The following TTLL5 variants were observed in gnomAD, a reference collection of about 807,000 sequenced individuals.
The protein encoded by TTLL5 is tubulin tyrosine ligase like 5.
A neutral mutation model predicts 168.4 loss-of-function variants in TTLL5; 132 were observed. That is an observed-to-expected ratio of 0.78 (90% CI 0.68 to 0.91). TTLL5 has a LOEUF of 0.91. TTLL5 is among the 40% of genes least tolerant of loss of function. The probability of loss-of-function intolerance (pLI) is 0.00; values close to 1 mark genes in which losing one functional copy is unlikely to be tolerated. For synonymous variants in TTLL5, 546 were observed against 558.6 expected, an observed-to-expected ratio of 0.98 and a Z score of 0.32; for missense variants, 1,545 against 1,581.5, an observed-to-expected ratio of 0.98 and a Z score of 0.39.
chr14:75,862,324 A>G (rs142590498), intron 28 of TTLL5, among the ~76,000 whole-genome samples: 1 of 152,266 alleles, frequency 6.6e-6, no homozygotes, highest in African/African-American at 2.4e-5. Context: ...TTTGATTTCA[A>G]TTCTTTTCTG....
chr14:75,887,645 A>G (rs1486526164), intron 30 of TTLL5, among the ~76,000 whole-genome samples: 1 of 152,182 alleles, frequency 6.6e-6, no homozygotes. Context: ...TGGAACTTAT[A>G]TGACCCGCTG....
intron 30 of TTLL5, among the ~76,000 whole-genome samples, chr14:75,889,402 A>G (rs1384159941): frequency 1.3e-5 from 2 of 152,268 alleles, no homozygotes; most frequent in African/African-American, 2.4e-5. Context: ...TTAAATCAAT[A>G]GATACATAAC....
chr14:75,686,353 A>T (rs541798714), intron 5 of TTLL5, among the ~76,000 whole-genome samples: 1 of 152,082 alleles, frequency 6.6e-6, no homozygotes, highest in African/African-American at 2.4e-5. Flanking sequence ...CCATCTCTCA[A>T]TGATGTAGTT....
chr14:75,902,679 C>T lies in TTLL5; in HGVS notation c.3823+455C>T, dbSNP rs190633196. ...AGCTGGAGCTCTGGTCTTTGATCTACGTGTTGTGCTAATGCCATGGTCTGT... is the reference window on the plus strand; with the variant it reads ...AGCTGGAGCTCTGGTCTTTGATCTATGTGTTGTGCTAATGCCATGGTCTGT... On this transcript the variant is annotated intron_variant, in intron 31 of 31. Transcript: ENST00000298832. The T allele has an allele frequency of 5.5e-5, 25 of 454,070 alleles. No individual in the cohort carries two copies. In the East Asian group the frequency reaches 1.0e-3, roughly 19 times the overall value. 28.1% of individuals were successfully genotyped at this position (454,070 alleles called of 1,614,324 possible).
intron 7 of TTLL5, among the ~76,000 whole-genome samples, chr14:75,702,478 C>A (rs528383883): frequency 6.6e-6 from 1 of 152,164 alleles, no homozygotes; most frequent in Non-Finnish European, 1.5e-5. Flanking sequence ...AGATATGAGT[C>A]AAAAAGAATA....
intron 5 of TTLL5, among the ~76,000 whole-genome samples, chr14:75,689,160 A>G (rs1885276260): frequency 6.6e-6 from 1 of 152,198 alleles, no homozygotes; most frequent in Non-Finnish European, 1.5e-5. Context: ...CTTATGAAAA[A>G]GTTCATGTGG....
At chr14:75,730,317 T>A (rs1888451167) in intron 12 of TTLL5, among the ~76,000 whole-genome samples, 1 of 152,224 alleles carries the variant, frequency 6.6e-6, no homozygotes. Context: ...GATCAGCTAT[T>A]GAGAAGAATG....
intron 31 of TTLL5, among the ~76,000 whole-genome samples, chr14:75,944,638 G>T (rs914821171): frequency 2.0e-5 from 3 of 152,320 alleles, no homozygotes; most frequent in African/African-American, 7.2e-5. Flanking sequence ...GGGCAAGAGA[G>T]GGCTCCTGCC....
At chr14:75,862,180 T>A (rs1366732810) in intron 28 of TTLL5, among the ~76,000 whole-genome samples, 1 of 152,264 alleles carries the variant, frequency 6.6e-6, no homozygotes, top group Non-Finnish European at 1.5e-5. Context: ...CTGCAGCATA[T>A]GTCAGAATTT....
chr14:75,759,313 G>C (rs1185970782), intron 18 of TTLL5, among the ~76,000 whole-genome samples: 1 of 152,068 alleles, frequency 6.6e-6, no homozygotes, highest in Non-Finnish European at 1.5e-5. Flanking sequence ...AAAGTTGGGG[G>C]CAACACCCAA....
chr14:75,809,795 A>T (rs1399988654), intron 27 of TTLL5, among the ~76,000 whole-genome samples: 1 of 152,138 alleles, frequency 6.6e-6, no homozygotes, highest in East Asian at 1.9e-4. Context: ...TTTAGTTCCC[A>T]GATATGAGTG....
chr14:75,916,041 G>A (rs1329652546), intron 31 of TTLL5, among the ~76,000 whole-genome samples: 1 of 152,082 alleles, frequency 6.6e-6, no homozygotes, highest in Non-Finnish European at 1.5e-5. Context: ...AGGCAGGATT[G>A]CTTAAGCCCA....
chr14:75,749,686 C>G (rs542373798), intron 17 of TTLL5, among the ~76,000 whole-genome samples: 2 of 152,104 alleles, frequency 1.3e-5, no homozygotes, highest in Non-Finnish European at 2.9e-5. Context: ...GTAAGTTACT[C>G]TAACTCTCTT....
chr14:75,847,321 A>G (rs565370448), intron 28 of TTLL5, among the ~76,000 whole-genome samples: 1 of 151,816 alleles, frequency 6.6e-6, no homozygotes, highest in Non-Finnish European at 1.5e-5. Flanking sequence ...TTTTTTTATC[A>G]CATTAATACC....
chr14:75,686,851 A>G (rs1481372545), intron 5 of TTLL5, among the ~76,000 whole-genome samples: 1 of 152,164 alleles, frequency 6.6e-6, no homozygotes, highest in Non-Finnish European at 1.5e-5. Context: ...AGTAATCCAG[A>G]TGATTTTATG....
intron 31 of TTLL5, among the ~76,000 whole-genome samples, chr14:75,932,150 C>T (rs147870461): frequency 1.3e-5 from 2 of 152,308 alleles, no homozygotes; most frequent in South Asian, 2.1e-4. Context: ...TTAACAACTA[C>T]TTCTGTACTT....
intron 29 of TTLL5, among the ~76,000 whole-genome samples, chr14:75,876,673 A>G (rs1050707870): frequency 1.3e-5 from 2 of 152,266 alleles, no homozygotes; most frequent in South Asian, 2.1e-4. Flanking sequence ...TAGCAGCACC[A>G]GAAAAGTTGT....
chr14:75,860,854 A>G (rs1338458657), intron 28 of TTLL5, among the ~76,000 whole-genome samples: 1 of 151,930 alleles, frequency 6.6e-6, no homozygotes. Flanking sequence ...GAAAAGAGAT[A>G]ATAGGTTCCT....
At chr14:75,715,166 G>T (rs1887344833) in intron 9 of TTLL5, among the ~76,000 whole-genome samples, 1 of 151,736 alleles carries the variant, frequency 6.6e-6, no homozygotes, top group Non-Finnish European at 1.5e-5. Flanking sequence ...CCATTCAGAT[G>T]CCGTTTTTAT....
Sources: gnomAD v4.1 joint callset for allele counts (sites outside exome capture counted in the v4.1 genomes callset) on GRCh38, gnomAD v4.1.1 for gene constraint, MANE v1.5 for transcripts, NCBI Gene and HGNC (gene_info 2026-07-23, HGNC 2026-07-21) for gene names.